ANXA4: variants seen among roughly 807,000 people sequenced by gnomAD.
ANXA4 encodes 35-beta calcimedin.
In ANXA4, 39 loss-of-function variants were observed where a neutral mutation model predicts 49.8. The ratio of observed to expected loss-of-function variants is 0.78; its 90% confidence interval spans 0.61 to 1.02. The LOEUF (loss-of-function observed/expected upper bound fraction) is 1.02. Among genes scored for constraint, ANXA4 ranks in the 50% least tolerant of loss-of-function variants. The pLI is 0.00. For synonymous variants in ANXA4, 134 were observed against 152.5 expected, an observed-to-expected ratio of 0.88 and a Z score of 0.89; for missense variants, 360 against 410.1, an observed-to-expected ratio of 0.88 and a Z score of 1.05.
At chr2:69,676,926 A>C (rs1677433836) in intron 2 of ANXA4, among the ~76,000 whole-genome samples, 1 of 152,126 alleles carries the variant, frequency 6.6e-6, no homozygotes, top group Non-Finnish European at 1.5e-5. Context: ...CCTAATAGAT[A>C]AAATTTGTTA....
chr2:69,784,744 G>C (rs72905097), intron 2 of ANXA4, among the ~76,000 whole-genome samples: 1 of 152,278 alleles, frequency 6.6e-6, no homozygotes, highest in East Asian at 1.9e-4. Flanking sequence ...TTTGACACCT[G>C]TGCAGAAGCC....
At chr2:69,750,612 C>A (rs545087162) in intron 1 of ANXA4, among the ~76,000 whole-genome samples, 93 of 152,310 alleles carry the variant, frequency 6.1e-4, no homozygotes, top group African/African-American at 2.0e-3. Context: ...CAGAGTTTTA[C>A]CACGTTTCCC....
At chr2:69,798,955 C>G (rs1486560131) in intron 3 of ANXA4, among the ~76,000 whole-genome samples, 1 of 152,116 alleles carries the variant, frequency 6.6e-6, no homozygotes, top group Non-Finnish European at 1.5e-5. Context: ...GGCAAAAGAA[C>G]AGAACAGCTC....
rs556167159 is a variant in ANXA4, at chr2:69,708,467, C to T, written n.767-12307C>T. Among the ~76,000 whole-genome samples, 40 of 152,144 alleles carry T rather than the reference C, an allele frequency of 2.6e-4. 1 individual carries two copies. Among genetic ancestry groups the T allele is most frequent in the Admixed American group, 1.9e-3 (29 of 15,286 alleles). Reference sequence around the variant, plus strand: ...AAAAATTAGCCAGGCTGGTGGCATCCGCCTGTGATCCCGGCTACTCGGGAG... The same window carrying T: ...AAAAATTAGCCAGGCTGGTGGCATCTGCCTGTGATCCCGGCTACTCGGGAG... On this transcript the variant is annotated intron_variant and non_coding_transcript_variant, in intron 2 of 3. Coordinates refer to the ANXA4 transcript ENST00000418066.
intron 3 of ANXA4, among the ~76,000 whole-genome samples, chr2:69,794,522 A>ATTATG (rs58396740): frequency 0.16 from 20,411 of 125,836 alleles, 1,579 homozygotes; most frequent in Middle Eastern, 0.23. Context: ...GTTATGTTAT[A>ATTATG]TTATGTTATG....
Position 69,676,114 on chromosome 2 carries a change from A to C in ANXA4, n.766+22832A>C, listed in dbSNP as rs537397290. On this transcript the variant is annotated intron_variant and non_coding_transcript_variant, in intron 2 of 3. Transcript: ENST00000418066. The stretch of plus-strand genomic sequence containing the variant: ...AAAAGAAGTTTTAAAAAACTAAATC[A>C]AGATCATTAGAAAATAATGTTTGCT... 3.6e-4 allele frequency among the ~76,000 whole-genome samples: 55 copies of C among 152,100 alleles called. No homozygotes were observed. The South Asian group carries it at 0.011, about 31-fold the overall frequency.
At chr2:69,788,400 C>T (rs1023722445) in intron 3 of ANXA4, among the ~76,000 whole-genome samples, 4 of 152,134 alleles carry the variant, frequency 2.6e-5, no homozygotes, top group African/African-American at 4.8e-5. Flanking sequence ...ATTAGCCAAG[C>T]GTGGTGGCAC....
intron 2 of ANXA4, among the ~76,000 whole-genome samples, chr2:69,706,280 T>C (rs991418514): frequency 1.2e-4 from 18 of 147,848 alleles, no homozygotes; most frequent in Admixed American, 8.2e-4. Context: ...TAGTAGCACA[T>C]TGGTACAATT....
chr2:69,739,744 C>T (rs1485191456), upstream of ANXA4, among the ~76,000 whole-genome samples: 1 of 151,950 alleles, frequency 6.6e-6, no homozygotes, highest in Non-Finnish European at 1.5e-5. Flanking sequence ...TTTAAAGGCT[C>T]CTTGGAGTGG....
chr2:69,718,031 C>T (rs543979727), intron 2 of ANXA4, among the ~76,000 whole-genome samples: 7 of 152,290 alleles, frequency 4.6e-5, no homozygotes, highest in South Asian at 2.1e-4. Flanking sequence ...TAGCTCAGTG[C>T]GGTCTGCATT....
rs1674132503 is a variant in ANXA4 at position 69,819,310 on chromosome 2, T to C, written c.755T>C (p.Phe252Ser). Residue 252 changes from phenylalanine to serine, a missense_variant, in exon 11 of 13, where the codon TTT (phenylalanine) becomes TCT (serine). Transcript: ENST00000394295. ...VKCMRNKSAYFAEKLYKSMKG... is the reference protein window; with the variant it reads ...VKCMRNKSAYSAEKLYKSMKG... ...TGCATGAGGAACAAATCTGCATATT[T>C]TGCTGAAAAGCTCTATAAATCGATG... 1 of 1,609,084 alleles carries C rather than the reference T, an allele frequency of 6.2e-7. No homozygotes were observed. The highest frequency in any genetic ancestry group is 8.5e-7 in the Non-Finnish European group (1 of 1,177,154).
At chr2:69,800,924 AG>A (rs1162820181) in intron 3 of ANXA4, among the ~76,000 whole-genome samples, 1 of 152,220 alleles carries the variant, frequency 6.6e-6, no homozygotes, top group Non-Finnish European at 1.5e-5. Context: ...GAGGGATTCC[AG>A]AAAAATGGGT....
At chr2:69,807,814 C>A in intron 5 of ANXA4, 92 bp from the exon 6 acceptor site, 1 of 1,073,762 alleles carries the variant, frequency 9.3e-7, no homozygotes, top group Non-Finnish European at 1.4e-6. Flanking sequence ...TCTTTATTCT[C>A]TGCAGATTCA....
intron 12 of ANXA4, among the ~76,000 whole-genome samples, chr2:69,821,477 AT>A (rs10717344): frequency 0.05 from 7,331 of 147,666 alleles, 561 homozygotes; most frequent in African/African-American, 0.17. Flanking sequence ...TTAACTGCAG[AT>A]TTTTTTTTTT....
At chr2:69,788,235 C>A in intron 3 of ANXA4, 94 bp downstream of exon 3, 1 of 1,155,758 alleles carries the variant, frequency 8.7e-7, no homozygotes, top group Non-Finnish European at 1.3e-6. Flanking sequence ...TCACGTGGGT[C>A]TTCCTTTAAT....
At chr2:69,726,558 A>G (rs1337019581) in intron 3 of ANXA4, among the ~76,000 whole-genome samples, 2 of 152,218 alleles carry the variant, frequency 1.3e-5, no homozygotes, top group Non-Finnish European at 2.9e-5. Context: ...CATACAGAGA[A>G]ACACACAGCT....
chr2:69,791,168 G>T (rs533829238), intron 3 of ANXA4, among the ~76,000 whole-genome samples: 1 of 152,160 alleles, frequency 6.6e-6, no homozygotes, highest in Non-Finnish European at 1.5e-5. Context: ...GGTTCCAGAA[G>T]CATGGGGTTC....
upstream of ANXA4, among the ~76,000 whole-genome samples, chr2:69,739,220 C>T (rs1030010910): frequency 1.3e-5 from 2 of 152,094 alleles, no homozygotes; most frequent in Non-Finnish European, 2.9e-5. Flanking sequence ...CTCTCCTATC[C>T]CGAGAAATCC....
At chr2:69,761,857 C>T (rs1671303581) in intron 1 of ANXA4, among the ~76,000 whole-genome samples, 1 of 151,106 alleles carries the variant, frequency 6.6e-6, no homozygotes, top group South Asian at 2.1e-4. Context: ...TAAAATAACT[C>T]AAACTTGTGC....
Sources: gnomAD v4.1 joint callset for allele counts (sites outside exome capture counted in the v4.1 genomes callset) on GRCh38, gnomAD v4.1.1 for gene constraint, MANE v1.5 for transcripts, NCBI Gene and HGNC (gene_info 2026-07-23, HGNC 2026-07-21) for gene names.